INPP4B: variants seen among roughly 807,000 people sequenced by gnomAD.
INPP4B encodes inositol polyphosphate-4-phosphatase type II B.
In INPP4B, 55 loss-of-function variants were observed where a neutral mutation model predicts 122.5. The ratio of observed to expected loss-of-function variants is 0.45; its 90% CI spans 0.36 to 0.56. The LOEUF is 0.56. INPP4B is among the 20% of genes least tolerant of loss of function. INPP4B has a pLI of 0.00. For missense variants in INPP4B, 1,000 were observed against 1,097.7 expected, an observed-to-expected ratio of 0.91 and a Z score of 1.26; for synonymous variants, 403 against 388.7, an observed-to-expected ratio of 1.04 and a Z score of -0.43.
At chr4:142,485,377 T>C (rs1207383551) in intron 2 of INPP4B, among the ~76,000 whole-genome samples, 2 of 152,104 alleles carry the variant, frequency 1.3e-5, no homozygotes, top group Non-Finnish European at 2.9e-5. Context: ...AATAATGATA[T>C]TCATTCTACA....
chr4:142,218,093 A>G (rs75403257), intron 12 of INPP4B, among the ~76,000 whole-genome samples: 5,193 of 152,066 alleles, frequency 0.034, 290 homozygotes, highest in African/African-American at 0.12. Context: ...ACCCTGACCC[A>G]TACACTAACT....
At chr4:142,682,712 A>G (rs185783381) in intron 2 of INPP4B, among the ~76,000 whole-genome samples, 13 of 151,942 alleles carry the variant, frequency 8.6e-5, no homozygotes, top group Non-Finnish European at 1.8e-4. Flanking sequence ...CCATCCAGGG[A>G]CTCTGATCAT....
chr4:142,102,455 A>G (rs1265963210), intron 23 of INPP4B, among the ~76,000 whole-genome samples: 1 of 137,700 alleles, frequency 7.3e-6, no homozygotes, highest in Non-Finnish European at 1.5e-5. Context: ...GGATGTGAAC[A>G]AAGTCTTTTT....
intron 9 of INPP4B, among the ~76,000 whole-genome samples, chr4:142,291,745 GAGGAATGGACCTATA>G (rs1258658231): frequency 1.3e-5 from 2 of 152,070 alleles, no homozygotes; most frequent in Admixed American, 6.6e-5. Context: ...AGCTCTAATT[GAGGAATGGACCTATA>G]AGGTATAAAA....
intron 2 of INPP4B, among the ~76,000 whole-genome samples, chr4:142,691,698 G>A (rs982424523): frequency 5.9e-5 from 9 of 152,094 alleles, no homozygotes; most frequent in African/African-American, 2.2e-4. Context: ...AACAGGGAGT[G>A]TGACATGGAT....
intron 1 of INPP4B, among the ~76,000 whole-genome samples, chr4:142,751,439 G>A (rs1160900002): frequency 1.3e-5 from 2 of 151,924 alleles, no homozygotes; most frequent in Non-Finnish European, 2.9e-5. Flanking sequence ...CAAACAAGAT[G>A]TATTTTTCTG....
intron 1 of INPP4B, among the ~76,000 whole-genome samples, chr4:142,740,528 G>T (rs1767752382): frequency 6.6e-6 from 1 of 152,018 alleles, no homozygotes; most frequent in South Asian, 2.1e-4. Flanking sequence ...TAACATCCTA[G>T]TGCAAAAATT....
chr4:142,255,029 A>G (rs1171510444), intron 11 of INPP4B, among the ~76,000 whole-genome samples: 3 of 152,176 alleles, frequency 2.0e-5, no homozygotes, highest in African/African-American at 7.2e-5. Context: ...TACAAGCCAG[A>G]AGAGAGTGGG....
At chr4:142,654,932 G>A (rs1207636828) in intron 2 of INPP4B, among the ~76,000 whole-genome samples, 1 of 152,134 alleles carries the variant, frequency 6.6e-6, no homozygotes, top group Non-Finnish European at 1.5e-5. Context: ...ACCCATGGGG[G>A]ATAAGATGTT....
At chr4:142,058,540 C>A (rs1224281877) in intron 25 of INPP4B, among the ~76,000 whole-genome samples, 1 of 152,212 alleles carries the variant, frequency 6.6e-6, no homozygotes, top group South Asian at 2.1e-4. Flanking sequence ...CACACGCTCT[C>A]CAGTTCAATA....
intron 2 of INPP4B, among the ~76,000 whole-genome samples, chr4:142,692,031 T>C (rs1057204573): frequency 1.3e-5 from 2 of 152,152 alleles, no homozygotes; most frequent in East Asian, 1.9e-4. Flanking sequence ...AGAAACCTCA[T>C]GGAAGATGTT....
intron 2 of INPP4B, among the ~76,000 whole-genome samples, chr4:142,585,804 G>C (rs1580432247): frequency 6.6e-6 from 1 of 151,132 alleles, no homozygotes; most frequent in East Asian, 2.0e-4. Context: ...AGAGATTAGA[G>C]ACAATATTAT....
At chr4:142,628,557 TAAAAAAA>T (rs35955830) in intron 2 of INPP4B, among the ~76,000 whole-genome samples, 7 of 99,924 alleles carry the variant, frequency 7.0e-5, no homozygotes, top group African/African-American at 1.9e-4. Flanking sequence ...AAACTTAAAG[TAAAAAAA>T]AAAAAAAAAA....
intron 2 of INPP4B, among the ~76,000 whole-genome samples, chr4:142,642,184 T>C (rs1156634393): frequency 6.6e-6 from 1 of 152,140 alleles, no homozygotes; most frequent in Non-Finnish European, 1.5e-5. Context: ...GTCAGATGAG[T>C]AGATTGCAAA....
At chr4:142,815,957 G>T (rs192996372) in intron 1 of INPP4B, among the ~76,000 whole-genome samples, 201 of 152,152 alleles carry the variant, frequency 1.3e-3, no homozygotes, top group African/African-American at 4.6e-3. Context: ...TCCACTTACT[G>T]TGTAAAGAAG....
At position 142,478,734 on chromosome 4, in the gene INPP4B, G is replaced by T. The variant is rs140279094; in HGVS notation, c.-190-16008C>A. On this transcript the variant is annotated intron_variant, in intron 2 of 25. Coordinates refer to ENST00000262992, the MANE Select transcript of INPP4B (RefSeq NM_001101669.3). ...TGCATCTATGTTCATCAAGGATATT[G>T]GCCTAAAGTTTTCTTTTTTCTGCTG... Among the ~76,000 whole-genome samples the T allele has an allele frequency of 6.2e-3, 951 of 152,164 alleles. 14 individuals are homozygous for T. The highest frequency in any genetic ancestry group is 0.022 in the African/African-American group (897 of 41,520).
At chr4:142,565,143 T>C (rs1367966206) in intron 2 of INPP4B, among the ~76,000 whole-genome samples, 1 of 152,094 alleles carries the variant, frequency 6.6e-6, no homozygotes, top group African/African-American at 2.4e-5. Context: ...CTTGCACCAA[T>C]GAGCCCAGCT....
intron 1 of INPP4B, among the ~76,000 whole-genome samples, chr4:142,830,183 A>G (rs1781951910): frequency 6.6e-6 from 1 of 152,358 alleles, no homozygotes; most frequent in Admixed American, 6.5e-5. Flanking sequence ...AGATACATAT[A>G]TATCTCCAAG....
At chr4:142,560,019 A>G (rs1267656844) in intron 2 of INPP4B, among the ~76,000 whole-genome samples, 2 of 152,246 alleles carry the variant, frequency 1.3e-5, no homozygotes, top group African/African-American at 4.8e-5. Context: ...TATCTCTAAA[A>G]GCCTCATCAC....
Sources: gnomAD v4.1 joint callset for allele counts (sites outside exome capture counted in the v4.1 genomes callset) on GRCh38, gnomAD v4.1.1 for gene constraint, MANE v1.5 for transcripts, NCBI Gene and HGNC (gene_info 2026-07-23, HGNC 2026-07-21) for gene names.